NTSR1: variants seen among roughly 807,000 people sequenced by gnomAD.
The protein encoded by NTSR1 is neurotensin receptor type 1.
Under a neutral mutation model 31.2 loss-of-function variants are expected in NTSR1, and 29 were observed. The observed-to-expected ratio is 0.93, with a 90% CI of 0.69 to 1.27. NTSR1 has a LOEUF of 1.27. Among genes scored for constraint, NTSR1 ranks in the 50% most tolerant of loss-of-function variants. The pLI is 0.00. For synonymous variants in NTSR1, 282 were observed against 269.9 expected (o/e 1.04, Z -0.44); for missense variants, 697 against 595.4 (o/e 1.17, Z -1.78).
At position 62,760,901 on chromosome 20, in the gene NTSR1, A is replaced by C. The variant is rs890662482; in HGVS notation, c.*634A>C. On this transcript the variant is annotated 3_prime_UTR_variant, in exon 4 of 4. Coordinates refer to ENST00000370501, the MANE Select transcript of NTSR1 (RefSeq NM_002531.3). ...CACCACCCTCGCCGCAGGCAGCTGCAGCCCCCAGAGGGGACCACAAGCCCA... is the reference window on the plus strand; with the variant it reads ...CACCACCCTCGCCGCAGGCAGCTGCCGCCCCCAGAGGGGACCACAAGCCCA... The C allele has an allele frequency of 2.6e-5, 4 of 152,632 alleles. No individual in the cohort carries two copies. Among genetic ancestry groups the C allele is most frequent in the Admixed American group, 6.5e-5 (1 of 15,312 alleles). The allele number at this position is 152,632 out of a possible 1,614,324, so 9.5% of individuals were successfully genotyped here.
intron 1 of NTSR1, among the ~76,000 whole-genome samples, chr20:62,752,020 C>T (rs931538972): frequency 1.3e-5 from 2 of 152,230 alleles, no homozygotes; most frequent in Non-Finnish European, 2.9e-5. Flanking sequence ...TCCTAGCGAC[C>T]TGCCTTTCAA....
At position 62,744,478 on chromosome 20, in the gene NTSR1, C is replaced by A. The variant is rs1989261456; in HGVS notation, c.715-10207C>A. Reference sequence around the variant, plus strand: ...ACTGAGGCAGGAGAATGGCGTGAACCCGGGAGGTGGAGCTTGCAATGAGCT... The same window carrying A: ...ACTGAGGCAGGAGAATGGCGTGAACACGGGAGGTGGAGCTTGCAATGAGCT... On this transcript the variant is annotated intron_variant, in intron 1 of 3. Transcript: ENST00000370501. The surrounding 1 kb of genome is among the most constrained non-coding windows in gnomAD (Gnocchi z 4.1). Among the ~76,000 whole-genome samples, 1 of 151,716 alleles carries A rather than the reference C, an allele frequency of 6.6e-6. No individual in the cohort carries two copies. Among genetic ancestry groups the A allele is most frequent in the Admixed American group, 6.6e-5 (1 of 15,220 alleles).
At chr20:62,738,797 G>A (rs1989151660) in intron 1 of NTSR1, among the ~76,000 whole-genome samples, 1 of 152,172 alleles carries the variant, frequency 6.6e-6, no homozygotes, top group African/African-American at 2.4e-5. Context: ...AGAGATGGCG[G>A]AGGGTCTAGG....
At chr20:62,735,701 G>A (rs780761866) in intron 1 of NTSR1, among the ~76,000 whole-genome samples, 5 of 152,212 alleles carry the variant, frequency 3.3e-5, no homozygotes, top group Non-Finnish European at 7.3e-5. Context: ...TGGGTAACAC[G>A]GGAGTCCCCC....
intron 2 of NTSR1, among the ~76,000 whole-genome samples, chr20:62,756,185 A>T (rs996877844): frequency 6.6e-6 from 1 of 151,992 alleles, no homozygotes; most frequent in South Asian, 2.1e-4. Context: ...GAAGAAAAAA[A>T]TACCACCACC....
chr20:62,729,588 C>T (rs1988968804), intron 1 of NTSR1, among the ~76,000 whole-genome samples: 1 of 151,890 alleles, frequency 6.6e-6, no homozygotes, highest in Non-Finnish European at 1.5e-5. Context: ...TCAGAATCTC[C>T]AGGGCAGAGA....
Position 62,709,249 on chromosome 20 carries a change from G to A in NTSR1, c.42G>A (p.Pro14=), listed in dbSNP as rs767076650. 5 of 1,515,068 alleles carry A rather than the reference G, an allele frequency of 3.3e-6. No individual in the cohort carries two copies. The Admixed American group carries it at 6.5e-5, about 20-fold the overall frequency. 93.9% of individuals were successfully genotyped at this position (1,515,068 alleles called of 1,614,324 possible). ...CCGCGCCGGGAACCCCGGGCACGCCGGCCGCCGACCCCTTCCAGCGGGCGC... is the reference window on the plus strand; with the variant it reads ...CCGCGCCGGGAACCCCGGGCACGCCAGCCGCCGACCCCTTCCAGCGGGCGC... ...NSSAPGTPGT[P]AADPFQRAQA... Residue 14 remains proline, a synonymous_variant, in exon 1 of 4, where the codon CCG becomes CCA. Coordinates refer to ENST00000370501, the MANE Select transcript of NTSR1 (RefSeq NM_002531.3).
At chr20:62,718,140 G>T (rs910520657) in intron 1 of NTSR1, among the ~76,000 whole-genome samples, 1 of 152,216 alleles carries the variant, frequency 6.6e-6, no homozygotes, top group Non-Finnish European at 1.5e-5. Flanking sequence ...GAGAAGCCAC[G>T]GGCAGATCAT....
At chr20:62,727,294 G>C (rs1211000911) in intron 1 of NTSR1, among the ~76,000 whole-genome samples, 2 of 152,200 alleles carry the variant, frequency 1.3e-5, no homozygotes, top group Non-Finnish European at 2.9e-5. Context: ...CCTGAGGACA[G>C]GGTTTCCTCT....
chr20:62,752,425 A>ACT (rs111471453), intron 1 of NTSR1, among the ~76,000 whole-genome samples: 2,272 of 145,954 alleles, frequency 0.016, 55 homozygotes, highest in African/African-American at 0.052. Context: ...CCCCAATCCT[A>ACT]CTCGGCTTCA....
intron 1 of NTSR1, among the ~76,000 whole-genome samples, chr20:62,723,408 G>C (rs920363627): frequency 2.0e-5 from 3 of 152,208 alleles, no homozygotes; most frequent in Admixed American, 6.5e-5. Flanking sequence ...TCACTCCGGA[G>C]CTGCGAATAG....
rs1174187340 is a variant in NTSR1 at position 62,715,151 on chromosome 20, A to G, written c.714+5230A>G. 1.3e-5 allele frequency among the ~76,000 whole-genome samples: 2 copies of G among 152,158 alleles called. No homozygotes were observed. The highest frequency in any genetic ancestry group is 1.9e-4 in the East Asian group (1 of 5,200). On this transcript the variant is annotated intron_variant, in intron 1 of 3. Transcript: ENST00000370501. The surrounding 1 kb of genome is among the most constrained non-coding windows in gnomAD (Gnocchi z 4.7). ...AAAGTTTTCAAAAGGTTAAGGTGCT[A>G]TATGTTGGAAATAAAGAATTTGGCG...
chr20:62,728,934 C>T (rs1045100587), intron 1 of NTSR1, among the ~76,000 whole-genome samples: 1 of 152,208 alleles, frequency 6.6e-6, no homozygotes, highest in Admixed American at 6.5e-5. Flanking sequence ...GCCGGAGATG[C>T]TGAGTTGGAA....
In NTSR1 at chr20:62,709,437, G is replaced by T. The variant is rs994048236; in HGVS notation, c.230G>T (p.Gly77Val). 1.2e-6 allele frequency: 2 copies of T among 1,612,198 alleles called. No homozygotes were observed. Among genetic ancestry groups the T allele is most frequent in the African/African-American group, 2.7e-5 (2 of 74,928 alleles). Reference sequence around the variant, plus strand: ...GTGTACCTGGCGCTCTTCGTGGTGGGCACGGTGGGCAACACGGTGACGGCG... The same window carrying T: ...GTGTACCTGGCGCTCTTCGTGGTGGTCACGGTGGGCAACACGGTGACGGCG... ...TAVYLALFVV[G>V]TVGNTVTAFT... The change falls in exon 1 of 4, where the codon GGC becomes GTC. Residue 77 changes from glycine to valine, a missense_variant. Coordinates refer to ENST00000370501, the MANE Select transcript of NTSR1 (RefSeq NM_002531.3).
rs564078621 is a variant in NTSR1, at chr20:62,753,787, G to A, written c.715-898G>A. Among the ~76,000 whole-genome samples, 42 of 152,352 alleles carry A rather than the reference G, an allele frequency of 2.8e-4. No individual in the cohort carries two copies. In the East Asian group the frequency reaches 3.7e-3, roughly 13 times the overall value. Reference sequence around the variant, plus strand: ...CTCCATTGGAAGCCGGGCCATGGCCGTCCTGGCTGGTTCTGCTGCTGCCAG... The same window carrying A: ...CTCCATTGGAAGCCGGGCCATGGCCATCCTGGCTGGTTCTGCTGCTGCCAG... On this transcript the variant is annotated intron_variant, in intron 1 of 3. Coordinates refer to ENST00000370501, the MANE Select transcript of NTSR1 (RefSeq NM_002531.3).
chr20:62,710,123 G>C (rs186299474), intron 1 of NTSR1, among the ~76,000 whole-genome samples: 19 of 152,358 alleles, frequency 1.2e-4, no homozygotes, highest in African/African-American at 3.4e-4. Flanking sequence ...CTGTTGAGGG[G>C]ATGGAGCCCC....
chr20:62,745,854 T>A lies in NTSR1; in HGVS notation c.715-8831T>A, dbSNP rs1458469574. Among the ~76,000 whole-genome samples, 1 of 152,152 alleles carries A rather than the reference T, an allele frequency of 6.6e-6. No individual in the cohort carries two copies. Among genetic ancestry groups the A allele is most frequent in the Non-Finnish European group, 1.5e-5 (1 of 68,016 alleles). On this transcript the variant is annotated intron_variant, in intron 1 of 3. Transcript: ENST00000370501. This position sits in a 1 kb window ranked among gnomAD's most constrained non-coding sequence, Gnocchi z 4.1. ...GTCTGGGAGTCCCAGCCACCACGCG[T>A]CCCCCAGAATATTCATGGGGCTGGG...
intron 1 of NTSR1, among the ~76,000 whole-genome samples, chr20:62,731,665 T>G (rs995525683): frequency 2.0e-5 from 3 of 152,246 alleles, no homozygotes; most frequent in Non-Finnish European, 4.4e-5. Context: ...TTTCTACATG[T>G]GGATGTCAGT....
In NTSR1 at chr20:62,743,078, G is replaced by A. The variant is rs1302268994; in HGVS notation, c.715-11607G>A. On this transcript the variant is annotated intron_variant, in intron 1 of 3. Coordinates refer to ENST00000370501, the MANE Select transcript of NTSR1 (RefSeq NM_002531.3). This position sits in a 1 kb window ranked among gnomAD's most constrained non-coding sequence, Gnocchi z 7.5. ...GCCCTCTCCCCAGATCAGCTCGGTAGGCTCCAATCCAGAGAGTCAGGCTGG... is the reference window on the plus strand; with the variant it reads ...GCCCTCTCCCCAGATCAGCTCGGTAAGCTCCAATCCAGAGAGTCAGGCTGG... 1.3e-5 allele frequency among the ~76,000 whole-genome samples: 2 copies of A among 149,582 alleles called. No homozygotes were observed. The highest frequency in any genetic ancestry group is 2.9e-5 in the Non-Finnish European group (2 of 68,002).
Sources: gnomAD v4.1 joint callset for allele counts (sites outside exome capture counted in the v4.1 genomes callset) on GRCh38, gnomAD v4.1.1 for gene constraint, Gnocchi (gnomAD v3.1) non-coding constraint, MANE v1.5 for transcripts, NCBI Gene and HGNC (gene_info 2026-07-23, HGNC 2026-07-21) for gene names.